Variants in SLITRK1 observed in about 807,000 individuals in gnomAD.
SLITRK1 encodes the protein SLIT and NTRK like family member 1, also known as SLIT and NTRK-like protein 1.
Under a neutral mutation model 42.4 loss-of-function variants are expected in SLITRK1, and 10 were observed. The ratio of observed to expected loss-of-function variants is 0.24; its 90% CI spans 0.15 to 0.40. The LOEUF is 0.40. Among genes scored for constraint, SLITRK1 ranks in the 10% least tolerant of loss-of-function variants. The pLI, the probability that SLITRK1 is intolerant of heterozygous loss-of-function variation, is 1.00. For missense variants in SLITRK1, 778 were observed against 848.8 expected, an observed-to-expected ratio of 0.92 and a Z score of 1.04; for synonymous variants, 389 against 365.7, an observed-to-expected ratio of 1.06 and a Z score of -0.73.
In SLITRK1 at chr13:83,881,751, G is replaced by GAAAAA. The variant is rs771177138; in HGVS notation, c.-53-196_-53-192dup. 3.5e-3 allele frequency: 369 copies of GAAAAA among 105,260 alleles called. 1 individual carries two copies. The highest frequency in any genetic ancestry group is 7.2e-3 in the Middle Eastern group (1 of 138). 6.5% of individuals were successfully genotyped at this position (105,260 alleles called of 1,614,324 possible). A position where few individuals can be genotyped will look rare whatever the true frequency, so the allele number is the denominator to read the frequency against. ...AGGCACGTAGTGCAAGGCAAGCAAA[G>GAAAAA]AAAAAAAAAAAAAAAAAAAAGTAGG... On this transcript the variant is annotated intron_variant, in intron 1 of 1. Transcript: ENST00000674365.
rs1392014272 is a variant in SLITRK1 at position 83,879,792 on chromosome 13, G to A, written c.1716C>T (p.Leu572=). 6.2e-7 allele frequency: 1 copy of A among 1,613,922 alleles called. No individual in the cohort carries two copies. ...VNFFRKDFML[L]SNDEICPQLY... Reference sequence around the variant, plus strand: ...GCTGAGGGCAGATCTCGTCATTGGAGAGGAGCATGAAATCCTTTCTAAAGA... The same window carrying A: ...GCTGAGGGCAGATCTCGTCATTGGAAAGGAGCATGAAATCCTTTCTAAAGA... Residue 572 remains leucine (L), a synonymous_variant, in exon 2 of 2, where the codon CTC becomes CTT. Coordinates refer to ENST00000674365, the MANE Select transcript of SLITRK1 (RefSeq NM_001281503.2).
At position 83,879,779 on chromosome 13, in the gene SLITRK1, T is replaced by A. The variant is rs760004695; in HGVS notation, c.1729A>T (p.Ile577Phe). The change falls in exon 2 of 2, where the codon ATC becomes TTC. Residue 577 changes from isoleucine (I) to phenylalanine (F), a missense_variant. This residue lies in a region of SLITRK1 where 164 missense variants were observed against 158.2 expected (regional missense o/e 1.04). Transcript: ENST00000674365. ...ATCCTAGCGTACAGCTGAGGGCAGATCTCGTCATTGGAGAGGAGCATGAAA... is the reference window on the plus strand; with the variant it reads ...ATCCTAGCGTACAGCTGAGGGCAGAACTCGTCATTGGAGAGGAGCATGAAA... The part of the protein sequence containing the change: ...KDFMLLSNDE[I>F]CPQLYARISP... The A allele has an allele frequency of 6.2e-7, 1 of 1,614,008 alleles. No homozygotes were observed. The highest frequency in any genetic ancestry group is 1.3e-5 in the African/African-American group (1 of 75,014).
In SLITRK1 at chr13:83,879,450, C is replaced by T; in HGVS notation, c.2058G>A (p.Val686=). The change falls in exon 2 of 2, where the codon GTG becomes GTA. Residue 686 remains valine (V), a synonymous_variant. Transcript: ENST00000674365. The part of the protein sequence containing the change: ...GPYNADGAHR[V]YDCGSHSLSD ...AGAGCGAGTGAGAGCCACAGTCATACACTCTGTGGGCCCCATCTGCGTTGT... is the reference window on the plus strand; with the variant it reads ...AGAGCGAGTGAGAGCCACAGTCATATACTCTGTGGGCCCCATCTGCGTTGT... 1.2e-6 allele frequency: 2 copies of T among 1,613,766 alleles called. No individual in the cohort carries two copies. Among genetic ancestry groups the T allele is most frequent in the Non-Finnish European group, 1.7e-6 (2 of 1,180,016 alleles).
In SLITRK1 at chr13:83,879,466, T is replaced by G. The variant is rs771954949; in HGVS notation, c.2042A>C (p.Asp681Ala). ...ACAGTCATACACTCTGTGGGCCCCA[T>G]CTGCGTTGTAAGGCCCATTGTGCCA... ...SYWHNGPYNA[D>A]GAHRVYDCGS... The change falls in exon 2 of 2, where the codon GAT (aspartate) becomes GCT (alanine). Residue 681 changes from aspartate (D) to alanine (A), a missense_variant. Transcript: ENST00000674365. 1 of 1,613,916 alleles carries G rather than the reference T, an allele frequency of 6.2e-7. No homozygotes were observed. Among genetic ancestry groups the G allele is most frequent in the East Asian group, 2.2e-5 (1 of 44,848 alleles).
chr13:83,879,294 A>G lies in SLITRK1; in HGVS notation c.*123T>C. On this transcript the variant is annotated 3_prime_UTR_variant, in exon 2 of 2. Coordinates refer to ENST00000674365, the MANE Select transcript of SLITRK1 (RefSeq NM_001281503.2). ...TGTGCGAGCTCACAGTTATTTATCT[A>G]CTTATGCCCATCCAGGCTGATGGCG... 8.3e-7 allele frequency: 1 copy of G among 1,199,066 alleles called. No individual in the cohort carries two copies. The highest frequency in any genetic ancestry group is 1.2e-6 in the Non-Finnish European group (1 of 837,612). The allele number at this position is 1,199,066 out of a possible 1,614,324, so 74.3% of individuals were successfully genotyped here.
Position 83,879,310 on chromosome 13 carries a change from G to T in SLITRK1, c.*107C>A. 7.1e-7 allele frequency: 1 copy of T among 1,415,740 alleles called. No homozygotes were observed. Among genetic ancestry groups the T allele is most frequent in the Non-Finnish European group, 9.7e-7 (1 of 1,025,920 alleles). 87.7% of individuals were successfully genotyped at this position (1,415,740 alleles called of 1,614,324 possible). A position where few individuals can be genotyped will look rare whatever the true frequency, so the allele number is the denominator to read the frequency against. On this transcript the variant is annotated 3_prime_UTR_variant, in exon 2 of 2. Coordinates refer to ENST00000674365, the MANE Select transcript of SLITRK1 (RefSeq NM_001281503.2). ...TATTTATCTACTTATGCCCATCCAGGCTGATGGCGCGGGGATTTGGGTACA... is the reference window on the plus strand; with the variant it reads ...TATTTATCTACTTATGCCCATCCAGTCTGATGGCGCGGGGATTTGGGTACA...
rs1196654231 is a variant in SLITRK1 at position 83,881,335 on chromosome 13, G to A, written c.173C>T (p.Ser58Phe). 3 of 1,614,176 alleles carry A rather than the reference G, an allele frequency of 1.9e-6. No homozygotes were observed. Among genetic ancestry groups the A allele is most frequent in the Non-Finnish European group, 2.5e-6 (3 of 1,180,050 alleles). Residue 58 changes from serine to phenylalanine, a missense_variant, in exon 2 of 2, where the codon TCC (serine) becomes TTC (phenylalanine). This residue lies in a region of SLITRK1 where 204 missense variants were observed against 295.3 expected (regional missense o/e 0.69). Transcript: ENST00000674365. ...ATGCAGAAATAAATGGTAAAACTGG[G>A]AAGTCGGGGCAGTGAAACGCTGCAG... ...TSLQRFTAPT[S>F]QFYHLFLHGN...
chr13:83,879,488 G>T lies in SLITRK1; in HGVS notation c.2020C>A (p.His674Asn). ...CCATCTGCGTTGTAAGGCCCATTGT[G>T]CCAGTAGGAAGAGTCACAGACTGTC... ...LQTVCDSSYW[H>N]NGPYNADGAH... The change falls in exon 2 of 2, where the codon CAC (histidine) becomes AAC (asparagine). Residue 674 changes from histidine to asparagine, a missense_variant. Physicochemically the swap from His to Asn is moderately conservative, Grantham distance 68. Coordinates refer to ENST00000674365, the MANE Select transcript of SLITRK1 (RefSeq NM_001281503.2). The T allele has an allele frequency of 1.2e-6, 2 of 1,614,046 alleles. No individual in the cohort carries two copies. The highest frequency in any genetic ancestry group is 1.7e-6 in the Non-Finnish European group (2 of 1,180,022).
In SLITRK1 at chr13:83,879,370, A is replaced by G. The variant is rs1174424579; in HGVS notation, c.*47T>C. 6.2e-7 allele frequency: 1 copy of G among 1,606,718 alleles called. No individual in the cohort carries two copies. Among genetic ancestry groups the G allele is most frequent in the Non-Finnish European group, 8.5e-7 (1 of 1,179,328 alleles). ...AGCCCCCGGGGTGCCTGCGGTGGGG[A>G]AGGATGTATCGCCTTCCCTCTGCCC... On this transcript the variant is annotated 3_prime_UTR_variant, in exon 2 of 2. Coordinates refer to ENST00000674365, the MANE Select transcript of SLITRK1 (RefSeq NM_001281503.2).
At position 83,880,383 on chromosome 13, in the gene SLITRK1, A is replaced by G; in HGVS notation, c.1125T>C (p.Ser375=). 6.2e-7 allele frequency: 1 copy of G among 1,613,914 alleles called. No homozygotes were observed. Among genetic ancestry groups the G allele is most frequent in the Non-Finnish European group, 8.5e-7 (1 of 1,180,022 alleles). Reference sequence around the variant, plus strand: ...CTCGTAGGAAAAGCTCCTGCACGTTAGAGAGCTTGGGCTTCAAATCAGCCA... The same window carrying G: ...CTCGTAGGAAAAGCTCCTGCACGTTGGAGAGCTTGGGCTTCAAATCAGCCA... ...SSLADLKPKL[S]NVQELFLRDN... is the part of the protein sequence containing the mutation. Residue 375 remains serine (S), a synonymous_variant, in exon 2 of 2, where the codon TCT becomes TCC. Transcript: ENST00000674365.
chr13:83,878,470 A>C lies in SLITRK1; in HGVS notation c.*947T>G, dbSNP rs1456515638. ...TTTTAAATAATTACACTGATACTATAATAGAAATCATGGGTACTTATTTTA... is the reference window on the plus strand; with the variant it reads ...TTTTAAATAATTACACTGATACTATCATAGAAATCATGGGTACTTATTTTA... On this transcript the variant is annotated 3_prime_UTR_variant, in exon 2 of 2. Coordinates refer to ENST00000674365, the MANE Select transcript of SLITRK1 (RefSeq NM_001281503.2). 1 of 152,554 alleles carries C rather than the reference A, an allele frequency of 6.6e-6. No individual in the cohort carries two copies. Among genetic ancestry groups the C allele is most frequent in the East Asian group, 1.9e-4 (1 of 5,186 alleles). The allele number at this position is 152,554 out of a possible 1,614,324, so 9.5% of individuals were successfully genotyped here.
rs1264026054 is a variant in SLITRK1, at chr13:83,880,325, A to C, written c.1183T>G (p.Phe395Val). Residue 395 changes from phenylalanine (F) to valine (V), a missense_variant, in exon 2 of 2, where the codon TTT (phenylalanine) becomes GTT (valine). By Grantham distance (50) the Phe-to-Val change is conservative (BLOSUM62 -1). This residue lies in a region of SLITRK1 where 395 missense variants were observed against 360.4 expected (regional missense o/e 1.10). Transcript: ENST00000674365. Reference sequence around the variant, plus strand: ...AGAATGAGGTTCTTGTAATCCACAAAGTGCGATTTTCGGATGCTGTGGATC... The same window carrying C: ...AGAATGAGGTTCTTGTAATCCACAACGTGCGATTTTCGGATGCTGTGGATC... ...NKIHSIRKSH[F>V]VDYKNLILLD... is the part of the protein sequence containing the mutation. 6.2e-7 allele frequency: 1 copy of C among 1,613,868 alleles called. No homozygotes were observed. The highest frequency in any genetic ancestry group is 1.3e-5 in the African/African-American group (1 of 74,876).
Position 83,881,474 on chromosome 13 carries a change from G to C in SLITRK1, c.34C>G (p.Leu12Val). ...GTAACGTTTCCAGCGGCAAAACAAA[G>C]AGACGTCTCCAGCAACAGAATCCAA... The part of the protein sequence containing the change: ...LLWILLLETS[L>V]CFAAGNVTGD... Residue 12 changes from leucine to valine, a missense_variant, in exon 2 of 2, where the codon CTT becomes GTT. Physicochemically the swap from Leu to Val is conservative, Grantham distance 32 (BLOSUM62 1). Transcript: ENST00000674365. 6.2e-7 allele frequency: 1 copy of C among 1,613,932 alleles called. No homozygotes were observed.
In SLITRK1 at chr13:83,879,794, G is replaced by C. The variant is rs1390899607; in HGVS notation, c.1714C>G (p.Leu572Val). 4 of 1,614,026 alleles carry C rather than the reference G, an allele frequency of 2.5e-6. No individual in the cohort carries two copies. The highest frequency in any genetic ancestry group is 2.5e-6 in the Non-Finnish European group (3 of 1,180,016). ...TGAGGGCAGATCTCGTCATTGGAGA[G>C]GAGCATGAAATCCTTTCTAAAGAAG... ...VNFFRKDFMLLSNDEICPQLY... is the reference protein window; with the variant it reads ...VNFFRKDFMLVSNDEICPQLY... Residue 572 changes from leucine to valine, a missense_variant, in exon 2 of 2, where the codon CTC becomes GTC. Around this residue, in one of 4 missense-constraint regions of SLITRK1, gnomAD observed 164 missense variants for 158.2 expected, o/e 1.04. Coordinates refer to ENST00000674365, the MANE Select transcript of SLITRK1 (RefSeq NM_001281503.2).
rs780928365 is a variant in SLITRK1, at chr13:83,880,161, T to C, written c.1347A>G (p.Leu449=). 3.1e-6 allele frequency: 5 copies of C among 1,613,822 alleles called. No homozygotes were observed. Among genetic ancestry groups the C allele is most frequent in the Middle Eastern group, 1.6e-4 (1 of 6,082 alleles). ...SREKFAGLQN[L]EYLNVEYNAI... ...CGTTGTACTCCACGTTCAGGTACTCTAGGTTTTGCAGCCCCGCGAATTTCT... is the reference window on the plus strand; with the variant it reads ...CGTTGTACTCCACGTTCAGGTACTCCAGGTTTTGCAGCCCCGCGAATTTCT... Residue 449 remains leucine (L), a synonymous_variant, in exon 2 of 2, where the codon CTA becomes CTG. Coordinates refer to ENST00000674365, the MANE Select transcript of SLITRK1 (RefSeq NM_001281503.2).
Position 83,881,184 on chromosome 13 carries a change from C to A in SLITRK1, c.324G>T (p.Val108=), listed in dbSNP as rs2137218196. 1.2e-6 allele frequency: 2 copies of A among 1,614,112 alleles called. No homozygotes were observed. Among genetic ancestry groups the A allele is most frequent in the Admixed American group, 1.7e-5 (1 of 60,024 alleles). The change falls in exon 2 of 2, where the codon GTG becomes GTT. Residue 108 remains valine (V), a synonymous_variant. Transcript: ENST00000674365. ...VPGAFLGLQL[V]KRLHINNNKI... ...TGTTGTTGTTGATGTGCAGCCTTTTCACCAGCTGCAGCCCCAGAAAAGCCC... is the reference window on the plus strand; with the variant it reads ...TGTTGTTGTTGATGTGCAGCCTTTTAACCAGCTGCAGCCCCAGAAAAGCCC...
Position 83,879,438 on chromosome 13 carries a change from G to A in SLITRK1, c.2070C>T (p.Gly690=), listed in dbSNP as rs1884759308. The A allele has an allele frequency of 6.2e-7, 1 of 1,613,514 alleles. No homozygotes were observed. Among genetic ancestry groups the A allele is most frequent in the Non-Finnish European group, 8.5e-7 (1 of 1,180,028 alleles). Reference sequence around the variant, plus strand: ...GGTCTTAGTCTGAGAGCGAGTGAGAGCCACAGTCATACACTCTGTGGGCCC... The same window carrying A: ...GGTCTTAGTCTGAGAGCGAGTGAGAACCACAGTCATACACTCTGTGGGCCC... ...ADGAHRVYDC[G]SHSLSD The change falls in exon 2 of 2, where the codon GGC becomes GGT. Residue 690 remains glycine, a synonymous_variant. Coordinates refer to ENST00000674365, the MANE Select transcript of SLITRK1 (RefSeq NM_001281503.2).
At position 83,881,501 on chromosome 13, in the gene SLITRK1, G is replaced by A; in HGVS notation, c.7C>T (p.Leu3Phe). The A allele has an allele frequency of 6.2e-7, 1 of 1,613,940 alleles. No homozygotes were observed. The highest frequency in any genetic ancestry group is 8.5e-7 in the Non-Finnish European group (1 of 1,180,004). Residue 3 changes from leucine (L) to phenylalanine (F), a missense_variant, in exon 2 of 2, where the codon CTT (leucine) becomes TTT (phenylalanine). Leu to Phe is a conservative substitution (Grantham distance 22). Around this residue, in one of 4 missense-constraint regions of SLITRK1, gnomAD observed 204 missense variants for 295.3 expected, o/e 0.69. Coordinates refer to ENST00000674365, the MANE Select transcript of SLITRK1 (RefSeq NM_001281503.2). Reference sequence around the variant, plus strand: ...GACGTCTCCAGCAACAGAATCCAAAGCAGCATTTTTAAAGCGAGCAATTCA... The same window carrying A: ...GACGTCTCCAGCAACAGAATCCAAAACAGCATTTTTAAAGCGAGCAATTCA... MLLWILLLETSLC... is the reference protein window; with the variant it reads MLFWILLLETSLC...
chr13:83,879,448 TAC>T lies in SLITRK1; in HGVS notation c.2058_2059del (p.Tyr687Ter). The T allele has an allele frequency of 1.2e-6, 2 of 1,613,718 alleles. No individual in the cohort carries two copies. Among genetic ancestry groups the T allele is most frequent in the Non-Finnish European group, 1.7e-6 (2 of 1,180,016 alleles). ...TGAGAGCGAGTGAGAGCCACAGTCA[TAC>T]ACTCTGTGGGCCCCATCTGCGTTGT... On this transcript the variant is annotated frameshift_variant, in exon 2 of 2. Coordinates refer to ENST00000674365, the MANE Select transcript of SLITRK1 (RefSeq NM_001281503.2). LOFTEE classifies it high-confidence loss of function.
Sources: gnomAD v4.1 joint callset for allele counts on GRCh38, gnomAD v4.1.1 for gene constraint, gnomAD v4.1.1 regional missense constraint, MANE v1.5 for transcripts, NCBI Gene and HGNC (gene_info 2026-07-23, HGNC 2026-07-21) for gene names.